RASGRP3: variants seen among roughly 807,000 people sequenced by gnomAD.
RASGRP3 encodes the protein ras guanyl-releasing protein 3.
In RASGRP3, 54 loss-of-function variants were observed where a neutral mutation model predicts 82.7. That is an observed-to-expected ratio of 0.65 (90% CI 0.52 to 0.82). The LOEUF is 0.82. Ranked by LOEUF, RASGRP3 falls within the 40% of genes least tolerant of loss-of-function variation. RASGRP3 has a pLI of 0.00. For missense variants in RASGRP3, 861 were observed against 828.9 expected (o/e 1.04, Z -0.48); for synonymous variants, 309 against 300.5 (o/e 1.03, Z -0.29).
intron 1 of RASGRP3, among the ~76,000 whole-genome samples, chr2:33,506,164 G>A (rs1460215472): frequency 1.3e-5 from 2 of 152,210 alleles, no homozygotes; most frequent in Non-Finnish European, 2.9e-5. Flanking sequence ...CAAGCTTGCT[G>A]TAATAGTGAA....
intron 13 of RASGRP3, among the ~76,000 whole-genome samples, chr2:33,545,702 A>G (rs1674664647): frequency 6.6e-6 from 1 of 152,246 alleles, no homozygotes; most frequent in Non-Finnish European, 1.5e-5. Context: ...TGTGGACAAT[A>G]AGCATATGAA....
intron 1 of RASGRP3, among the ~76,000 whole-genome samples, chr2:33,479,994 C>G (rs542269066): frequency 2.0e-5 from 3 of 150,596 alleles, no homozygotes; most frequent in Admixed American, 2.0e-4. Context: ...GTCGTTCTGG[C>G]AAGATTACAC....
chr2:33,472,074 A>C (rs1001448552), upstream of RASGRP3, among the ~76,000 whole-genome samples: 66 of 152,110 alleles, frequency 4.3e-4, no homozygotes, highest in Non-Finnish European at 6.3e-4. Flanking sequence ...AAGTTTTGCA[A>C]ACTTTTCTTA....
rs1023238992 is a variant in RASGRP3 at position 33,558,689 on chromosome 2, G to C, written c.1723G>C (p.Glu575Gln). ...ACTTCCAGCGCAGGATGAGGTGTTT[G>C]AGTTCCCTGGAGTCACTGCTGGACA... ...SLPPAQDEVFEFPGVTAGHRD... is the reference protein window; with the variant it reads ...SLPPAQDEVFQFPGVTAGHRD... Residue 575 changes from glutamate to glutamine, a missense_variant, in exon 17 of 18, where the codon GAG (glutamate) becomes CAG (glutamine). Physicochemically the swap from Glu to Gln is conservative, Grantham distance 29. Transcript: ENST00000403687. 5 of 1,601,976 alleles carry C rather than the reference G, an allele frequency of 3.1e-6. No individual in the cohort carries two copies. The East Asian group carries it at 8.9e-5, about 29-fold the overall frequency.
intron 13 of RASGRP3, among the ~76,000 whole-genome samples, chr2:33,545,938 G>C (rs1267820283): frequency 6.6e-6 from 1 of 151,914 alleles, no homozygotes; most frequent in African/African-American, 2.4e-5. Flanking sequence ...CTGAGTAGCT[G>C]GTTATAGGCA....
At chr2:33,452,020 A>G (rs1175901985) in intron 2 of RASGRP3, among the ~76,000 whole-genome samples, 1 of 152,046 alleles carries the variant, frequency 6.6e-6, no homozygotes, top group Non-Finnish European at 1.5e-5. Context: ...GAAGCTCTCT[A>G]TGGAATTTTC....
chr2:33,480,332 T>C (rs967977664), intron 1 of RASGRP3, among the ~76,000 whole-genome samples: 1 of 152,188 alleles, frequency 6.6e-6, no homozygotes, highest in Non-Finnish European at 1.5e-5. Context: ...CGTGAGCCAC[T>C]GCGCCCAGCC....
Position 33,562,968 on chromosome 2 carries a change from C to G in RASGRP3, c.*231C>G. Reference sequence around the variant, plus strand: ...CTCCCCTACCCCTAGTTAAGTGCCACAAAGACTGTGTTATGTAGTCAGTAC... The same window carrying G: ...CTCCCCTACCCCTAGTTAAGTGCCAGAAAGACTGTGTTATGTAGTCAGTAC... On this transcript the variant is annotated 3_prime_UTR_variant, in exon 18 of 18. Coordinates refer to ENST00000403687, the MANE Select transcript of RASGRP3 (RefSeq NM_001139488.2). 5 of 592,348 alleles carry G rather than the reference C, an allele frequency of 8.4e-6. No individual in the cohort carries two copies. The South Asian group carries it at 1.0e-4, about 12-fold the overall frequency. The allele number at this position is 592,348 out of a possible 1,614,324, so 36.7% of individuals were successfully genotyped here. A position where few individuals can be genotyped will look rare whatever the true frequency, so the allele number is the denominator to read the frequency against.
upstream of RASGRP3, among the ~76,000 whole-genome samples, chr2:33,472,666 G>A (rs758299231): frequency 3.9e-5 from 6 of 152,040 alleles, no homozygotes; most frequent in Non-Finnish European, 7.4e-5. Flanking sequence ...GGGACAAATA[G>A]AGCCAAAAGG....
At chr2:33,540,504 C>T (rs1674143549) in intron 12 of RASGRP3, among the ~76,000 whole-genome samples, 1 of 144,876 alleles carries the variant, frequency 6.9e-6, no homozygotes, top group African/African-American at 2.5e-5. Flanking sequence ...TACTGACTTC[C>T]TCAGTCCACA....
chr2:33,541,589 G>T (rs1674283526), intron 12 of RASGRP3, among the ~76,000 whole-genome samples: 1 of 146,874 alleles, frequency 6.8e-6, no homozygotes, highest in Admixed American at 7.0e-5. Context: ...TTTAATCTGA[G>T]AGGTGAAAAA....
intron 1 of RASGRP3, among the ~76,000 whole-genome samples, chr2:33,476,913 C>A (rs1369775973): frequency 8.2e-6 from 1 of 122,612 alleles, no homozygotes; most frequent in Admixed American, 7.9e-5. Flanking sequence ...TTTTTTAGAA[C>A]CTGTTATTTT....
chr2:33,524,407 A>G, intron 8 of RASGRP3, 25 bp from the exon 9 acceptor site: 1 of 1,405,054 alleles, frequency 7.1e-7, no homozygotes, highest in Non-Finnish European at 9.8e-7. Flanking sequence ...AATCCTTAAA[A>G]AGCATTGATG....
chr2:33,476,742 T>G (rs894377610), intron 1 of RASGRP3, 35 bp downstream of exon 1: 1 of 143,648 alleles, frequency 7.0e-6, no homozygotes, highest in African/African-American at 2.6e-5. Context: ...TCTCTCTCTC[T>G]CTTTCATTCC....
chr2:33,448,064 T>A (rs1016603429), intron 2 of RASGRP3: 7 of 152,264 alleles, frequency 4.6e-5, no homozygotes, highest in Non-Finnish European at 8.8e-5. Flanking sequence ...CTTTGTAAAT[T>A]ATGAAGTGAA....
intron 1 of RASGRP3, among the ~76,000 whole-genome samples, chr2:33,442,883 G>GT (rs55978823): frequency 1.8e-3 from 255 of 138,594 alleles, no homozygotes; most frequent in Non-Finnish European, 2.8e-3. Flanking sequence ...AATCACTATT[G>GT]TTTTTTTTTT....
intron 1 of RASGRP3, among the ~76,000 whole-genome samples, chr2:33,504,509 T>C (rs1412773450): frequency 1.3e-5 from 2 of 152,242 alleles, no homozygotes; most frequent in Non-Finnish European, 2.9e-5. Flanking sequence ...GCCAAACTAA[T>C]GCCTTTCTCT....
chr2:33,523,876 T>C lies in RASGRP3; in HGVS notation c.517-3T>C. 1 of 1,606,478 alleles carries C rather than the reference T, an allele frequency of 6.2e-7. No homozygotes were observed. The highest frequency in any genetic ancestry group is 8.5e-7 in the Non-Finnish European group (1 of 1,174,984). Reference sequence around the variant, plus strand: ...TCAGAGTCTCTGAATCTTCCTTTCCTAGTTCACTGATTACCAAAGCTATGT... The same window carrying C: ...TCAGAGTCTCTGAATCTTCCTTTCCCAGTTCACTGATTACCAAAGCTATGT... On this transcript the variant is annotated splice_polypyrimidine_tract_variant and splice_region_variant and intron_variant, in intron 7 of 17. Transcript: ENST00000403687.
chr2:33,542,656 T>TC (rs1574468137), intron 12 of RASGRP3, among the ~76,000 whole-genome samples: 1 of 145,880 alleles, frequency 6.9e-6, no homozygotes, highest in African/African-American at 2.5e-5. Flanking sequence ...CACCTCCTCT[T>TC]TCCCCCCCCC....
Sources: allele counts gnomAD v4.1 joint callset (sites outside exome capture counted in the v4.1 genomes callset), GRCh38; gene constraint gnomAD v4.1.1; transcripts MANE v1.5; gene names NCBI Gene and HGNC (gene_info 2026-07-23, HGNC 2026-07-21).